Variants in ECT2L observed in about 807,000 individuals in gnomAD.
ECT2L encodes the protein epithelial cell-transforming sequence 2 oncogene-like.
Under a neutral mutation model 122.8 loss-of-function variants are expected in ECT2L, and 126 were observed. That is an observed-to-expected ratio of 1.03 (90% CI 0.89 to 1.19). The LOEUF (loss-of-function observed/expected upper bound fraction) is 1.19, where lower values mean the gene tolerates loss of function less well. Among genes scored for constraint, ECT2L ranks in the 50% most tolerant of loss-of-function variants. The pLI, the probability that ECT2L is intolerant of heterozygous loss-of-function variation, is 0.00. For missense variants in ECT2L, 1,012 were observed against 1,064.1 expected (o/e 0.95, Z 0.68); for synonymous variants, 385 against 381.8 (o/e 1.01, Z -0.10).
At chr6:138,873,614 T>C (rs1778329472) in intron 13 of ECT2L, among the ~76,000 whole-genome samples, 1 of 152,050 alleles carries the variant, frequency 6.6e-6, no homozygotes, top group Non-Finnish European at 1.5e-5. Flanking sequence ...GCCAACAAGG[T>C]GAAACCCCGT....
chr6:138,864,118 C>A (rs1359144097), intron 11 of ECT2L, among the ~76,000 whole-genome samples: 1 of 147,894 alleles, frequency 6.8e-6, no homozygotes, highest in Admixed American at 6.8e-5. Context: ...GTCAGGAGTT[C>A]GAGACCAGCC....
intron 4 of ECT2L, among the ~76,000 whole-genome samples, chr6:138,818,356 C>G (rs150547600): frequency 1.3e-5 from 2 of 152,254 alleles, no homozygotes; most frequent in East Asian, 3.9e-4. Flanking sequence ...TTCATTACCC[C>G]CTCTTCCATT....
intron 4 of ECT2L, among the ~76,000 whole-genome samples, chr6:138,824,030 C>A (rs1240290744): frequency 6.7e-6 from 1 of 149,666 alleles, no homozygotes; most frequent in Admixed American, 6.7e-5. Flanking sequence ...TTGTAACAGG[C>A]ATAAGTGAAT....
At chr6:138,805,166 C>A (rs1462613198) in intron 1 of ECT2L, among the ~76,000 whole-genome samples, 1 of 152,170 alleles carries the variant, frequency 6.6e-6, no homozygotes, top group African/African-American at 2.4e-5. Flanking sequence ...CTGTTCGTTT[C>A]ATTGACGTAT....
chr6:138,884,652 CA>C (rs1297581487), intron 16 of ECT2L, among the ~76,000 whole-genome samples: 1 of 150,918 alleles, frequency 6.6e-6, no homozygotes, highest in Non-Finnish European at 1.5e-5. Context: ...AAACAAAAAA[CA>C]AAAAAAATAT....
intron 9 of ECT2L, 44 bp downstream of exon 9, chr6:138,849,478 C>T (rs1371923001): frequency 2.6e-6 from 4 of 1,552,742 alleles, no homozygotes; most frequent in Non-Finnish European, 1.7e-6. Flanking sequence ...GAACTTCGCG[C>T]TGTGCACTTT....
intron 4 of ECT2L, among the ~76,000 whole-genome samples, chr6:138,837,867 T>C (rs999881557): frequency 6.6e-6 from 1 of 152,052 alleles, no homozygotes; most frequent in African/African-American, 2.4e-5. Context: ...TTGTTCTTTG[T>C]CTTCCTTTTT....
At chr6:138,815,602 C>T (rs1451416327) in intron 4 of ECT2L, among the ~76,000 whole-genome samples, 1 of 152,148 alleles carries the variant, frequency 6.6e-6, no homozygotes, top group Non-Finnish European at 1.5e-5. Context: ...ATCTTTTGCC[C>T]AGAGGAGAAA....
At chr6:138,838,296 C>A (rs1583575069) in intron 4 of ECT2L, 56 bp from the exon 5 acceptor site, 1 of 1,448,468 alleles carries the variant, frequency 6.9e-7, no homozygotes, top group East Asian at 2.4e-5. Flanking sequence ...TTTATGCTGA[C>A]TTTTTAGTAA....
At chr6:138,850,149 TC>T (rs56803413) in intron 9 of ECT2L, among the ~76,000 whole-genome samples, 79,483 of 143,958 alleles carry the variant, frequency 0.55, 21,187 homozygotes, top group Middle Eastern at 0.71. Context: ...GTGACTTTTT[TC>T]TTTTTTCGAG....
intron 4 of ECT2L, among the ~76,000 whole-genome samples, chr6:138,837,434 C>T (rs1185434792): frequency 1.3e-5 from 2 of 152,108 alleles, no homozygotes; most frequent in Non-Finnish European, 2.9e-5. Flanking sequence ...GTTACTGACC[C>T]GTAACAGCAC....
chr6:138,873,544 G>A lies in ECT2L; in HGVS notation c.1579-2928G>A, dbSNP rs111938181. Reference sequence around the variant, plus strand: ...AGCAGCGGCTCACGCCTGTAATCCCGGCACTTTGGGAGGCCGAGGTGGGTG... The same window carrying A: ...AGCAGCGGCTCACGCCTGTAATCCCAGCACTTTGGGAGGCCGAGGTGGGTG... On this transcript the variant is annotated intron_variant, in intron 13 of 21. Transcript: ENST00000541398. 3.4e-3 allele frequency among the ~76,000 whole-genome samples: 511 copies of A among 152,264 alleles called. 4 individuals are homozygous for A. The highest frequency in any genetic ancestry group is 0.011 in the African/African-American group (449 of 41,552).
At chr6:138,835,123 TA>T (rs993779563) in intron 4 of ECT2L, among the ~76,000 whole-genome samples, 15 of 148,830 alleles carry the variant, frequency 1.0e-4, no homozygotes, top group African/African-American at 2.7e-4. Flanking sequence ...GAAGCAAACT[TA>T]AAAAAAAAAT....
intron 4 of ECT2L, among the ~76,000 whole-genome samples, chr6:138,827,349 A>G (rs943534356): frequency 6.6e-6 from 1 of 152,128 alleles, no homozygotes; most frequent in African/African-American, 2.4e-5. Flanking sequence ...CTCTGTCTCA[A>G]ACAAAACAAA....
At chr6:138,797,409 G>A (rs1775381448) in intron 1 of ECT2L, among the ~76,000 whole-genome samples, 1 of 152,250 alleles carries the variant, frequency 6.6e-6, no homozygotes, top group African/African-American at 2.4e-5. Context: ...GCGCATGTAG[G>A]TACATACCTC....
intron 4 of ECT2L, among the ~76,000 whole-genome samples, chr6:138,836,750 G>A (rs1776854389): frequency 6.6e-6 from 1 of 151,862 alleles, no homozygotes; most frequent in Non-Finnish European, 1.5e-5. Flanking sequence ...ATGGACTCAG[G>A]AACGCCTGTT....
chr6:138,872,113 T>C (rs1038287685), intron 13 of ECT2L, among the ~76,000 whole-genome samples: 3 of 152,124 alleles, frequency 2.0e-5, no homozygotes, highest in Non-Finnish European at 4.4e-5. Context: ...GTGCTGGGAT[T>C]ACAGGCCTGA....
chr6:138,810,528 G>A (rs1253079103), intron 1 of ECT2L, among the ~76,000 whole-genome samples: 1 of 152,214 alleles, frequency 6.6e-6, no homozygotes, highest in Non-Finnish European at 1.5e-5. Flanking sequence ...AAATAGCACT[G>A]CTTAGAATCA....
At chr6:138,827,278 G>A (rs1776482824) in intron 4 of ECT2L, among the ~76,000 whole-genome samples, 1 of 151,288 alleles carries the variant, frequency 6.6e-6, no homozygotes. Context: ...AATCTGGGAG[G>A]TGGAGGTTGT....
Sources: gnomAD v4.1 joint callset for allele counts (sites outside exome capture counted in the v4.1 genomes callset) on GRCh38, gnomAD v4.1.1 for gene constraint, MANE v1.5 for transcripts, NCBI Gene and HGNC (gene_info 2026-07-23, HGNC 2026-07-21) for gene names.